ZRANB3: variants seen among roughly 807,000 people sequenced by gnomAD.
ZRANB3 encodes the protein DNA annealing helicase and endonuclease ZRANB3.
ZRANB3 carries 125 observed loss-of-function variants against 133.8 expected under a neutral mutation model. The ratio of observed to expected loss-of-function variants is 0.93; its 90% confidence interval spans 0.81 to 1.08. ZRANB3 has a LOEUF of 1.08. Ranked by LOEUF, ZRANB3 falls within the 50% of genes least tolerant of loss-of-function variation. ZRANB3 has a pLI of 0.00. For synonymous variants in ZRANB3, 387 were observed against 432.7 expected (o/e 0.89, Z 1.31); for missense variants, 1,229 against 1,275.5 (o/e 0.96, Z 0.56).
At position 135,227,676 on chromosome 2, in the gene ZRANB3, C is replaced by T. The variant is rs1429189423; in HGVS notation, c.2158+136G>A. ...CATCTGGTGTTTAAGTATGTGGTTA[C>T]AAATGGTTGGTATTTTTAATATAAA... On this transcript the variant is annotated intron_variant, in intron 14 of 20. Coordinates refer to ENST00000264159, the MANE Select transcript of ZRANB3 (RefSeq NM_032143.4). 4 of 847,680 alleles carry T rather than the reference C, an allele frequency of 4.7e-6. No homozygotes were observed. In the African/African-American group the frequency reaches 5.1e-5, roughly 11 times the overall value. The allele number at this position is 847,680 out of a possible 1,614,324, so 52.5% of individuals were successfully genotyped here. A position where few individuals can be genotyped will look rare whatever the true frequency, so the allele number is the denominator to read the frequency against.
At chr2:135,490,688 AT>A (rs1164011827) in intron 2 of ZRANB3, among the ~76,000 whole-genome samples, 12 of 152,228 alleles carry the variant, frequency 7.9e-5, no homozygotes. Flanking sequence ...CTGCACTCTT[AT>A]GTTTACTGTA....
chr2:135,480,499 G>T (rs1454731953), intron 2 of ZRANB3, among the ~76,000 whole-genome samples: 1 of 151,888 alleles, frequency 6.6e-6, no homozygotes, highest in Non-Finnish European at 1.5e-5. Context: ...ACAAAACAAT[G>T]AAAGAAATTA....
In ZRANB3 at chr2:135,198,690, A is replaced by G. The variant is rs1337523768; in HGVS notation, c.*1652T>C. ...GCTTCTTGGCTCTCAACCGTGACAAATCCTAGGTTACCTTGGAAATGAGGC... is the reference window on the plus strand; with the variant it reads ...GCTTCTTGGCTCTCAACCGTGACAAGTCCTAGGTTACCTTGGAAATGAGGC... On this transcript the variant is annotated 3_prime_UTR_variant, in exon 21 of 21. Transcript: ENST00000264159. 6.6e-6 allele frequency: 1 copy of G among 152,184 alleles called. No homozygotes were observed. Among genetic ancestry groups the G allele is most frequent in the Non-Finnish European group, 1.5e-5 (1 of 68,032 alleles). 9.4% of individuals were successfully genotyped at this position (152,184 alleles called of 1,614,324 possible). A position where few individuals can be genotyped will look rare whatever the true frequency, so the allele number is the denominator to read the frequency against.
At chr2:135,521,250 T>C (rs1195966416) in intron 1 of ZRANB3, among the ~76,000 whole-genome samples, 1 of 152,176 alleles carries the variant, frequency 6.6e-6, no homozygotes, top group East Asian at 1.9e-4. Flanking sequence ...AAGAAATACT[T>C]AAGAAGTACC....
intron 8 of ZRANB3, among the ~76,000 whole-genome samples, chr2:135,311,982 G>A (rs1033921498): frequency 6.6e-6 from 1 of 151,954 alleles, no homozygotes; most frequent in Non-Finnish European, 1.5e-5. Context: ...GTATAGTGAT[G>A]GGTGGAGGGG....
rs549567250 is a variant in ZRANB3, at chr2:135,520,170, G to A, written c.-8+10957C>T. On this transcript the variant is annotated intron_variant, in intron 1 of 20. Transcript: ENST00000264159. Reference sequence around the variant, plus strand: ...AGGCCGAGGCGGGTGGATAATTTGAGGTAAGGAGTTCAAGACCAGCCTGGC... The same window carrying A: ...AGGCCGAGGCGGGTGGATAATTTGAAGTAAGGAGTTCAAGACCAGCCTGGC... Among the ~76,000 whole-genome samples, 391 of 151,406 alleles carry A rather than the reference G, an allele frequency of 2.6e-3. 1 individual carries two copies. The highest frequency in any genetic ancestry group is 8.8e-3 in the African/African-American group (363 of 41,286).
chr2:135,217,904 G>C (rs1234340656), intron 16 of ZRANB3, among the ~76,000 whole-genome samples: 2 of 152,032 alleles, frequency 1.3e-5, no homozygotes, highest in African/African-American at 4.8e-5. Context: ...TGACCTCCTG[G>C]GCTCCAGCAG....
At chr2:135,378,385 C>T (rs1468161790) in intron 3 of ZRANB3, among the ~76,000 whole-genome samples, 1 of 151,712 alleles carries the variant, frequency 6.6e-6, no homozygotes, top group East Asian at 1.9e-4. Flanking sequence ...CCCAACTACT[C>T]AGGAGGCTGA....
In ZRANB3 at chr2:135,489,316, G is replaced by A. The variant is rs143351850; in HGVS notation, c.161+15013C>T. 3.2e-3 allele frequency among the ~76,000 whole-genome samples: 344 copies of A among 107,366 alleles called. 3 individuals are homozygous for A. Among genetic ancestry groups the A allele is most frequent in the African/African-American group, 0.012 (327 of 27,880 alleles). The allele number at this position is 107,366 out of a possible 152,430, so 70.4% of individuals were successfully genotyped here. A position where few individuals can be genotyped will look rare whatever the true frequency, so the allele number is the denominator to read the frequency against. ...CACACTCGGGACTGTTGTGGGGTGG[G>A]GGGAGGGGGGAGGGATAGCATTAGG... On this transcript the variant is annotated intron_variant, in intron 2 of 20. Coordinates refer to ENST00000264159, the MANE Select transcript of ZRANB3 (RefSeq NM_032143.4).
At chr2:135,447,237 C>T (rs1209036732) in intron 2 of ZRANB3, among the ~76,000 whole-genome samples, 1 of 152,102 alleles carries the variant, frequency 6.6e-6, no homozygotes, top group Non-Finnish European at 1.5e-5. Context: ...TGGGGTTTCA[C>T]CATGTTTGCC....
intron 6 of ZRANB3, among the ~76,000 whole-genome samples, chr2:135,328,016 A>C (rs1486837060): frequency 6.6e-6 from 1 of 152,084 alleles, no homozygotes; most frequent in African/African-American, 2.4e-5. Flanking sequence ...AGGGAAAGTT[A>C]CGAAAGCACT....
At chr2:135,219,927 G>A (rs1172582770) in intron 15 of ZRANB3, among the ~76,000 whole-genome samples, 4 of 151,808 alleles carry the variant, frequency 2.6e-5, no homozygotes, top group South Asian at 2.1e-4. Context: ...GCTGGGGTGC[G>A]GCAGCATGAT....
chr2:135,246,891 C>T (rs939570154), intron 12 of ZRANB3, among the ~76,000 whole-genome samples: 2 of 152,180 alleles, frequency 1.3e-5, no homozygotes, highest in Admixed American at 6.5e-5. Flanking sequence ...TAGCAAACTA[C>T]TGGTCTTTAC....
chr2:135,506,415 G>A (rs1210137635), intron 1 of ZRANB3, among the ~76,000 whole-genome samples: 1 of 152,022 alleles, frequency 6.6e-6, no homozygotes, highest in Non-Finnish European at 1.5e-5. Flanking sequence ...AAAAGCCAAT[G>A]TGGCTGATGA....
chr2:135,447,795 T>TC (rs1242143767), intron 2 of ZRANB3, among the ~76,000 whole-genome samples: 16 of 152,230 alleles, frequency 1.1e-4, no homozygotes, highest in Non-Finnish European at 2.1e-4. Flanking sequence ...AAATGACCAG[T>TC]CTCTCTTCAC....
chr2:135,324,395 A>T (rs543482908), intron 6 of ZRANB3, among the ~76,000 whole-genome samples: 14 of 152,150 alleles, frequency 9.2e-5, no homozygotes, highest in South Asian at 8.3e-4. Flanking sequence ...TCCATGTCCC[A>T]ACAAAGGACA....
At position 135,427,546 on chromosome 2, in the gene ZRANB3, C is replaced by T. The variant is rs533409954; in HGVS notation, c.162-36726G>A. Among the ~76,000 whole-genome samples the T allele has an allele frequency of 6.6e-5, 10 of 152,152 alleles. No individual in the cohort carries two copies. In the South Asian group the frequency reaches 1.9e-3, roughly 28 times the overall value. ...CAACAACAAGAATGACAAAACACTG[C>T]TCAAAGAAAACAAGCAAATGGAAAA... On this transcript the variant is annotated intron_variant, in intron 2 of 20. Coordinates refer to ENST00000264159, the MANE Select transcript of ZRANB3 (RefSeq NM_032143.4).
intron 9 of ZRANB3, among the ~76,000 whole-genome samples, chr2:135,273,539 A>C (rs978404153): frequency 1.4e-5 from 2 of 145,002 alleles, no homozygotes; most frequent in South Asian, 4.4e-4. Context: ...GAATATCTAC[A>C]TTTTTTTTTT....
intron 6 of ZRANB3, among the ~76,000 whole-genome samples, chr2:135,339,861 G>C (rs72982391): frequency 6.6e-6 from 1 of 151,656 alleles, no homozygotes; most frequent in African/African-American, 2.4e-5. Context: ...TCTTTAATTC[G>C]CAACACATAA....
Sources: allele counts gnomAD v4.1 joint callset (sites outside exome capture counted in the v4.1 genomes callset), GRCh38; gene constraint gnomAD v4.1.1; transcripts MANE v1.5; gene names NCBI Gene and HGNC (gene_info 2026-07-23, HGNC 2026-07-21).